The following MAD1L1 variants were observed in gnomAD, a reference collection of about 807,000 sequenced individuals.
The protein encoded by MAD1L1 is mitotic arrest deficient 1 like 1, also known as mitotic spindle assembly checkpoint protein MAD1.
Under a neutral mutation model 96.9 loss-of-function variants are expected in MAD1L1, and 95 were observed. The observed-to-expected ratio is 0.98, with a 90% CI of 0.83 to 1.16. The LOEUF (loss-of-function observed/expected upper bound fraction) is 1.16, where lower values mean the gene tolerates loss of function less well. Among genes scored for constraint, MAD1L1 ranks in the 50% most tolerant of loss-of-function variants. The pLI is 0.00. For missense variants in MAD1L1, 1,007 were observed against 954.4 expected (o/e 1.06, Z -0.73); for synonymous variants, 473 against 396.6 (o/e 1.19, Z -2.29).
intron 12 of MAD1L1, among the ~76,000 whole-genome samples, chr7:2,049,413 A>T (rs1241681423): frequency 6.6e-6 from 1 of 152,030 alleles, no homozygotes; most frequent in East Asian, 1.9e-4. Flanking sequence ...CTCGGAGCCG[A>T]CTCAGTAGGT....
intron 10 of MAD1L1, among the ~76,000 whole-genome samples, chr7:2,177,565 T>A (rs1298921898): frequency 1.3e-5 from 2 of 152,240 alleles, no homozygotes; most frequent in Non-Finnish European, 2.9e-5. Flanking sequence ...GTCTAATTTT[T>A]TAATCGCCTT....
chr7:2,232,374 C>A (rs1794238731), intron 1 of MAD1L1, among the ~76,000 whole-genome samples: 2 of 152,258 alleles, frequency 1.3e-5, no homozygotes, highest in African/African-American at 4.8e-5. Context: ...CCTTGCCATC[C>A]CCGAGGGGAA....
chr7:1,958,712 A>C (rs936254930), intron 15 of MAD1L1, among the ~76,000 whole-genome samples: 2 of 152,264 alleles, frequency 1.3e-5, no homozygotes, highest in African/African-American at 4.8e-5. Flanking sequence ...TATAATGAAG[A>C]GATTAACCAA....
At chr7:2,024,504 A>C (rs1196072552) in intron 12 of MAD1L1, among the ~76,000 whole-genome samples, 5 of 152,182 alleles carry the variant, frequency 3.3e-5, no homozygotes, top group Non-Finnish European at 5.9e-5. Context: ...ATTGGCGGTG[A>C]GCCAATTTCC....
At chr7:1,984,895 C>T (rs146484972) in intron 14 of MAD1L1, among the ~76,000 whole-genome samples, 79 of 152,130 alleles carry the variant, frequency 5.2e-4, no homozygotes, top group African/African-American at 1.7e-3. Context: ...TACTTTTTTG[C>T]GTGTAATTCT....
chr7:2,039,749 T>C (rs1783595024), intron 12 of MAD1L1, among the ~76,000 whole-genome samples: 1 of 152,218 alleles, frequency 6.6e-6, no homozygotes, highest in African/African-American at 2.4e-5. Flanking sequence ...TCTCATCTAT[T>C]ACAGATAACA....
At position 1,944,968 on chromosome 7, in the gene MAD1L1, G is replaced by A. The variant is rs1779161398; in HGVS notation, c.1597-8071C>T. ...GCCCCTGCAAGTGCACAGTGCAGTG[G>A]CCACCAAGGGAGCCGGAAGCAGAGG... On this transcript the variant is annotated intron_variant, in intron 16 of 18. Coordinates refer to ENST00000265854, the MANE Select transcript of MAD1L1 (RefSeq NM_001013836.2). Among the ~76,000 whole-genome samples the A allele has an allele frequency of 2.0e-5, 3 of 152,338 alleles. No homozygotes were observed. In the South Asian group the frequency reaches 6.2e-4, roughly 32 times the overall value.
intron 17 of MAD1L1, among the ~76,000 whole-genome samples, chr7:1,932,222 C>T (rs576501345): frequency 5.9e-5 from 9 of 152,298 alleles, no homozygotes; most frequent in Admixed American, 3.3e-4. Context: ...CTCCCCAGGC[C>T]TAAGGCTTCC....
intron 11 of MAD1L1, among the ~76,000 whole-genome samples, chr7:2,078,802 C>T (rs922044533): frequency 3.3e-5 from 5 of 152,228 alleles, no homozygotes; most frequent in African/African-American, 9.6e-5. Flanking sequence ...TTCAAATCTC[C>T]ACCAGAATCT....
chr7:1,996,621 G>A (rs1167372687), intron 14 of MAD1L1, among the ~76,000 whole-genome samples: 3 of 152,230 alleles, frequency 2.0e-5, no homozygotes, highest in Admixed American at 6.5e-5. Context: ...GACAAAGAAG[G>A]GTGGGGGACG....
chr7:2,199,616 C>T (rs1013883409), intron 10 of MAD1L1, among the ~76,000 whole-genome samples: 2 of 152,262 alleles, frequency 1.3e-5, no homozygotes, highest in Admixed American at 6.5e-5. Context: ...TCCGCGCCCC[C>T]GCAGTGCCCC....
Position 2,172,907 on chromosome 7 carries a change from G to A in MAD1L1, c.987-23669C>T, listed in dbSNP as rs757740783. ...GGAGCGTGCACACCGCGGTCTGTGC[G>A]CACAGAAGACCCCAGACGGTGCCAG... On this transcript the variant is annotated intron_variant, in intron 10 of 18. Transcript: ENST00000265854. Among the ~76,000 whole-genome samples the A allele has an allele frequency of 5.9e-5, 9 of 152,358 alleles. No individual in the cohort carries two copies. In the South Asian group the frequency reaches 8.3e-4, roughly 14 times the overall value.
chr7:1,999,458 C>T (rs1287039585), intron 14 of MAD1L1, among the ~76,000 whole-genome samples: 2 of 152,324 alleles, frequency 1.3e-5, no homozygotes, highest in East Asian at 3.9e-4. Flanking sequence ...CCCCATTCCC[C>T]ATGACTGTGT....
chr7:2,220,942 G>C, intron 5 of MAD1L1: 4 of 1,612,394 alleles, frequency 2.5e-6, no homozygotes, highest in South Asian at 2.2e-5. Flanking sequence ...AGGGTCACCC[G>C]TGTTGTAGGG....
chr7:1,824,748 G>T (rs1782302730), intron 18 of MAD1L1, among the ~76,000 whole-genome samples: 1 of 152,188 alleles, frequency 6.6e-6, no homozygotes, highest in Non-Finnish European at 1.5e-5. Flanking sequence ...CAGCGAAGGG[G>T]AGATTTTTTT....
chr7:2,039,286 T>C (rs1176613760), intron 12 of MAD1L1, among the ~76,000 whole-genome samples: 3 of 152,260 alleles, frequency 2.0e-5, no homozygotes, highest in African/African-American at 7.2e-5. Context: ...ATCAGAATTC[T>C]TTCCAGTTTT....
intron 10 of MAD1L1, among the ~76,000 whole-genome samples, chr7:2,152,921 GA>G (rs973382831): frequency 2.6e-5 from 4 of 152,182 alleles, no homozygotes; most frequent in African/African-American, 9.7e-5. Context: ...GACATGAGGA[GA>G]AAACACTTCA....
At chr7:1,874,183 G>A (rs1222455739) in intron 18 of MAD1L1, among the ~76,000 whole-genome samples, 1 of 152,204 alleles carries the variant, frequency 6.6e-6, no homozygotes, top group Non-Finnish European at 1.5e-5. Context: ...TGGCGCCAGA[G>A]GTCAGTGCAG....
intron 14 of MAD1L1, among the ~76,000 whole-genome samples, chr7:1,990,214 T>C (rs1781347069): frequency 6.6e-6 from 1 of 152,182 alleles, no homozygotes; most frequent in Admixed American, 6.5e-5. Flanking sequence ...CACAGAACCC[T>C]GGCTGCAAGG....
Sources: gnomAD v4.1 joint callset for allele counts (sites outside exome capture counted in the v4.1 genomes callset) on GRCh38, gnomAD v4.1.1 for gene constraint, MANE v1.5 for transcripts, NCBI Gene and HGNC (gene_info 2026-07-23, HGNC 2026-07-21) for gene names.